AATF: variants seen among roughly 807,000 people sequenced by gnomAD.
The protein encoded by AATF is apoptosis antagonizing transcription factor, also known as protein AATF.
AATF carries 48 observed loss-of-function variants against 63.7 expected under a neutral mutation model. That is an observed-to-expected ratio of 0.75 (90% CI 0.60 to 0.96). The LOEUF is 0.96. AATF is among the 40% of genes least tolerant of loss of function. AATF has a pLI of 0.00. For missense variants in AATF, 639 were observed against 685.7 expected, an observed-to-expected ratio of 0.93 and a Z score of 0.76; for synonymous variants, 258 against 247.7, an observed-to-expected ratio of 1.04 and a Z score of -0.39.
chr17:37,034,867 T>C (rs1002419211), intron 11 of AATF: 61 of 152,280 alleles, frequency 4.0e-4, no homozygotes, highest in Middle Eastern at 3.4e-3. Context: ...GGCTCACACC[T>C]GTAATCCCAG....
intron 4 of AATF, among the ~76,000 whole-genome samples, chr17:36,959,246 C>T (rs769129504): frequency 6.6e-6 from 1 of 152,206 alleles, no homozygotes; most frequent in Non-Finnish European, 1.5e-5. Context: ...GAGTTCAAGA[C>T]CAGCCTGGCC....
intron 11 of AATF, among the ~76,000 whole-genome samples, chr17:37,034,996 G>A (rs914255389): frequency 2.0e-5 from 3 of 151,066 alleles, no homozygotes; most frequent in Non-Finnish European, 4.4e-5. Flanking sequence ...GTGGTGGTGG[G>A]CGCCTGTAGT....
intron 4 of AATF, among the ~76,000 whole-genome samples, chr17:36,963,696 C>T (rs557979720): frequency 6.6e-6 from 1 of 152,296 alleles, no homozygotes; most frequent in East Asian, 1.9e-4. Flanking sequence ...ACTTCTGTAA[C>T]TTTAGATAAT....
chr17:36,952,787 C>A lies in AATF; in HGVS notation c.284-99C>A, dbSNP rs550359106. The A allele has an allele frequency of 2.5e-5, 37 of 1,490,116 alleles. No individual in the cohort carries two copies. In the East Asian group the frequency reaches 6.4e-4, roughly 26 times the overall value. 92.3% of individuals were successfully genotyped at this position (1,490,116 alleles called of 1,614,324 possible). On this transcript the variant is annotated intron_variant, in intron 2 of 11. Transcript: ENST00000619387. ...GAATTGAGTGCAGTAAGAGATTTTC[C>A]CCCTGATGCCACAGTGCTTAAGTTG...
rs757545923 is a variant in AATF, at chr17:36,985,827, G to A, written c.833-790G>A. ...GCCTCCCAAAGTGTTGGGATTACAG[G>A]CGTGAGCCACAGCGCCCGGCCGACC... is the stretch of plus-strand genomic sequence containing the variant. On this transcript the variant is annotated intron_variant, in intron 4 of 11. Coordinates refer to ENST00000619387, the MANE Select transcript of AATF (RefSeq NM_012138.4). Among the ~76,000 whole-genome samples the A allele has an allele frequency of 2.6e-5, 4 of 152,072 alleles. No individual in the cohort carries two copies. The East Asian group carries it at 5.8e-4, about 22-fold the overall frequency.
chr17:37,036,154 G>C (rs2071590494), intron 11 of AATF, among the ~76,000 whole-genome samples: 1 of 152,132 alleles, frequency 6.6e-6, no homozygotes. Context: ...TGTTCCCAGA[G>C]GCACCTCCGC....
rs115136058 is a variant in AATF, at chr17:37,038,917, T to C, written c.1619+7232T>C. ...ATGCAATCCAGCCTTGTAAAGTGCT[T>C]TGTCAACATCACTGCCACGTTGTTC... On this transcript the variant is annotated intron_variant, in intron 11 of 11. Transcript: ENST00000619387. Among the ~76,000 whole-genome samples, 1,351 of 152,294 alleles carry C rather than the reference T, an allele frequency of 8.9e-3. 20 individuals are homozygous for C. The highest frequency in any genetic ancestry group is 0.031 in the African/African-American group (1,295 of 41,554).
chr17:37,026,740 G>A (rs1191491702), intron 10 of AATF, among the ~76,000 whole-genome samples: 1 of 152,178 alleles, frequency 6.6e-6, no homozygotes, highest in Non-Finnish European at 1.5e-5. Flanking sequence ...TGATTCCAGA[G>A]CCTGTTCTTC....
chr17:37,014,166 C>A (rs1403221958), intron 8 of AATF, among the ~76,000 whole-genome samples: 1 of 152,028 alleles, frequency 6.6e-6, no homozygotes, highest in South Asian at 2.1e-4. Flanking sequence ...ATGTAACTCT[C>A]ATTATACTTG....
chr17:36,982,004 T>A lies in AATF; in HGVS notation c.833-4613T>A, dbSNP rs150816686. Among the ~76,000 whole-genome samples, 4 of 152,192 alleles carry A rather than the reference T, an allele frequency of 2.6e-5. No individual in the cohort carries two copies. In the East Asian group the frequency reaches 5.8e-4, roughly 22 times the overall value. On this transcript the variant is annotated intron_variant, in intron 4 of 11. Coordinates refer to ENST00000619387, the MANE Select transcript of AATF (RefSeq NM_012138.4). ...CAACCCATTAAACAACAGCTCCCCA[T>A]TTCCCTCTTTCTCCAACCCCTGGTA...
chr17:36,978,636 A>C (rs1193465327), intron 4 of AATF, among the ~76,000 whole-genome samples: 2 of 152,034 alleles, frequency 1.3e-5, no homozygotes, highest in African/African-American at 4.8e-5. Context: ...ATAATAGCAC[A>C]CACATTTATC....
intron 8 of AATF, chr17:36,999,844 G>A (rs2071281162): frequency 6.6e-6 from 1 of 152,414 alleles, no homozygotes; most frequent in Non-Finnish European, 1.5e-5. Context: ...CAGACTCTGA[G>A]GCAAAAGGGA....
In AATF at chr17:37,020,935, C is replaced by G; in HGVS notation, c.1468C>G (p.Gln490Glu). Residue 490 changes from glutamine (Q) to glutamate (E), a missense_variant and splice_region_variant, in exon 10 of 12, where the codon CAG becomes GAG. Coordinates refer to ENST00000619387, the MANE Select transcript of AATF (RefSeq NM_012138.4). The stretch of plus-strand genomic sequence containing the variant: ...TAACATTGCTTGTGAATTTTCCAGG[C>G]AGTGGCTTGCAATCCAGAAGTTACG... Reference protein sequence around the residue: ...DPNDQVAMGRQWLAIQKLRSK... With the variant: ...DPNDQVAMGREWLAIQKLRSK... 1 of 1,609,804 alleles carries G rather than the reference C, an allele frequency of 6.2e-7. No individual in the cohort carries two copies. The highest frequency in any genetic ancestry group is 8.5e-7 in the Non-Finnish European group (1 of 1,177,984).
At chr17:36,975,277 C>CT (rs951520453) in intron 4 of AATF, among the ~76,000 whole-genome samples, 3 of 151,660 alleles carry the variant, frequency 2.0e-5, no homozygotes, top group East Asian at 1.9e-4. Context: ...GTTATATTTG[C>CT]TTTTTTTTCT....
At chr17:36,985,375 C>T (rs2071160016) in intron 4 of AATF, among the ~76,000 whole-genome samples, 1 of 151,424 alleles carries the variant, frequency 6.6e-6, no homozygotes, top group South Asian at 2.1e-4. Context: ...CTCAAGCCAT[C>T]CTCCCACCTC....
intron 8 of AATF, among the ~76,000 whole-genome samples, chr17:36,999,391 T>A (rs975809707): frequency 5.3e-5 from 8 of 152,240 alleles, no homozygotes; most frequent in Non-Finnish European, 7.3e-5. Flanking sequence ...GCTGTTTAGA[T>A]TTAAATTTTG....
chr17:36,995,564 T>TTTTG (rs781380869), intron 8 of AATF, among the ~76,000 whole-genome samples: 11 of 152,240 alleles, frequency 7.2e-5, no homozygotes, highest in Middle Eastern at 3.4e-3. Context: ...TATCGATTTA[T>TTTTG]TTTGTTTGTT....
intron 11 of AATF, among the ~76,000 whole-genome samples, chr17:37,048,327 C>G (rs1480706637): frequency 6.7e-6 from 1 of 149,210 alleles, no homozygotes; most frequent in African/African-American, 2.5e-5. Context: ...ACTTTCCCAG[C>G]AATCCAGCCT....
rs1028931792 is a variant in AATF, at chr17:36,949,355, G to A, written c.91+139G>A. ...GGCGCAGAGGAACGTCGCCTCCCGC[G>A]AGGGTGGTCCCGGCCTCGGGAGGAG... On this transcript the variant is annotated intron_variant, in intron 1 of 11. Transcript: ENST00000619387. 6.2e-6 allele frequency: 5 copies of A among 801,358 alleles called. No individual in the cohort carries two copies. In the African/African-American group the frequency reaches 7.4e-5, roughly 12 times the overall value. 49.6% of individuals were successfully genotyped at this position (801,358 alleles called of 1,614,324 possible).
Sources: allele counts gnomAD v4.1 joint callset (sites outside exome capture counted in the v4.1 genomes callset), GRCh38; gene constraint gnomAD v4.1.1; transcripts MANE v1.5; gene names NCBI Gene and HGNC (gene_info 2026-07-23, HGNC 2026-07-21).